PDSS2: variants seen among roughly 807,000 people sequenced by gnomAD.
PDSS2 encodes the protein all trans-polyprenyl-diphosphate synthase PDSS2.
PDSS2 carries 31 observed loss-of-function variants against 44.5 expected under a neutral mutation model. That is an observed-to-expected ratio of 0.70 (90% CI 0.52 to 0.94). The LOEUF (loss-of-function observed/expected upper bound fraction) is 0.94. Ranked by LOEUF, PDSS2 falls within the 40% of genes least tolerant of loss-of-function variation. The pLI, the probability that PDSS2 is intolerant of heterozygous loss-of-function variation, is 0.00. For synonymous variants in PDSS2, 157 were observed against 180.3 expected, an observed-to-expected ratio of 0.87 and a Z score of 1.03; for missense variants, 452 against 482.2, an observed-to-expected ratio of 0.94 and a Z score of 0.59.
At chr6:107,437,916 T>G (rs1781404652) in intron 1 of PDSS2, among the ~76,000 whole-genome samples, 1 of 152,180 alleles carries the variant, frequency 6.6e-6, no homozygotes. Flanking sequence ...TCATTACTAA[T>G]CACTTTACTG....
At chr6:107,255,504 C>T (rs1472797840) in intron 3 of PDSS2, among the ~76,000 whole-genome samples, 1 of 151,738 alleles carries the variant, frequency 6.6e-6, no homozygotes, top group Non-Finnish European at 1.5e-5. Context: ...ATGGCTTGAA[C>T]CCGGGAATCG....
At chr6:107,211,539 G>A (rs955772489) in intron 5 of PDSS2, among the ~76,000 whole-genome samples, 1 of 151,698 alleles carries the variant, frequency 6.6e-6, no homozygotes, top group African/African-American at 2.4e-5. Context: ...AGACCATCCT[G>A]ACCAACATGG....
chr6:107,182,405 AC>A (rs1221321691), intron 7 of PDSS2, among the ~76,000 whole-genome samples: 1 of 151,944 alleles, frequency 6.6e-6, no homozygotes, highest in Non-Finnish European at 1.5e-5. Flanking sequence ...GCTCACTGCA[AC>A]CTCTGCCTCC....
intron 1 of PDSS2, among the ~76,000 whole-genome samples, chr6:107,434,667 A>C (rs1781293976): frequency 6.6e-6 from 1 of 152,184 alleles, no homozygotes; most frequent in Non-Finnish European, 1.5e-5. Context: ...AAATGAATAA[A>C]ATCTAGTATT....
chr6:107,397,683 A>G (rs1231510790), intron 1 of PDSS2, among the ~76,000 whole-genome samples: 1 of 152,332 alleles, frequency 6.6e-6, no homozygotes, highest in Non-Finnish European at 1.5e-5. Flanking sequence ...TGAATGTTTA[A>G]TAGGTGTTTC....
intron 1 of PDSS2, among the ~76,000 whole-genome samples, chr6:107,431,670 T>C (rs962160756): frequency 1.3e-5 from 2 of 152,210 alleles, no homozygotes; most frequent in African/African-American, 4.8e-5. Flanking sequence ...AAACTATTTT[T>C]CAAGAAAACT....
chr6:107,361,927 T>C (rs1413794222), intron 1 of PDSS2, among the ~76,000 whole-genome samples: 2 of 152,120 alleles, frequency 1.3e-5, no homozygotes, highest in Non-Finnish European at 2.9e-5. Context: ...CAGTGCAGGG[T>C]AGGCTGTGAA....
intron 2 of PDSS2, among the ~76,000 whole-genome samples, chr6:107,305,491 T>C (rs1776829743): frequency 6.6e-6 from 1 of 152,208 alleles, no homozygotes; most frequent in African/African-American, 2.4e-5. Context: ...TCATTTTCTA[T>C]CACATGTAGA....
intron 1 of PDSS2, among the ~76,000 whole-genome samples, chr6:107,351,213 A>G (rs1778426110): frequency 6.6e-6 from 1 of 152,238 alleles, no homozygotes; most frequent in South Asian, 2.1e-4. Flanking sequence ...AAAGGTAATG[A>G]ATTTCAGATA....
chr6:107,401,047 G>A (rs1262563650), intron 1 of PDSS2, among the ~76,000 whole-genome samples: 1 of 152,170 alleles, frequency 6.6e-6, no homozygotes, highest in Non-Finnish European at 1.5e-5. Context: ...GGTTAACAAA[G>A]GTCAAGTATA....
At chr6:107,197,848 T>C (rs1772622387) in intron 6 of PDSS2, 1 of 471,054 alleles carries the variant, frequency 2.1e-6, no homozygotes, top group African/African-American at 2.0e-5. Flanking sequence ...TTAAGAGTGT[T>C]GAAAGTAGCA....
intron 1 of PDSS2, among the ~76,000 whole-genome samples, chr6:107,418,308 G>C (rs558537887): frequency 2.6e-5 from 4 of 152,294 alleles, no homozygotes; most frequent in African/African-American, 9.6e-5. Flanking sequence ...AGAGTGATGA[G>C]GTACAAGTCA....
intron 1 of PDSS2, among the ~76,000 whole-genome samples, chr6:107,334,678 C>T (rs1354895576): frequency 6.9e-6 from 1 of 144,954 alleles, no homozygotes; most frequent in Non-Finnish European, 1.5e-5. Flanking sequence ...GTAGCTGGAA[C>T]TTTAGGTATG....
intron 3 of PDSS2, among the ~76,000 whole-genome samples, chr6:107,252,716 C>T (rs1352996184): frequency 6.6e-6 from 1 of 152,100 alleles, no homozygotes; most frequent in African/African-American, 2.4e-5. Flanking sequence ...ATCACTTGAG[C>T]CCAGGAGTTC....
At chr6:107,350,981 G>A (rs150305857) in intron 1 of PDSS2, among the ~76,000 whole-genome samples, 207 of 151,958 alleles carry the variant, frequency 1.4e-3, no homozygotes, top group African/African-American at 4.8e-3. Context: ...AAATAAATAA[G>A]GTCTTGGATT....
chr6:107,164,387 A>T (rs1771261362), intron 7 of PDSS2, among the ~76,000 whole-genome samples: 1 of 152,022 alleles, frequency 6.6e-6, no homozygotes, highest in African/African-American at 2.4e-5. Flanking sequence ...TCATTGTTCA[A>T]TTACCACCTA....
At chr6:107,392,027 T>C (rs1240482857) in intron 1 of PDSS2, among the ~76,000 whole-genome samples, 1 of 152,136 alleles carries the variant, frequency 6.6e-6, no homozygotes, top group East Asian at 1.9e-4. Context: ...ATTTTACTAA[T>C]GGGAAACATT....
chr6:107,292,924 A>G (rs1341417931), intron 2 of PDSS2, among the ~76,000 whole-genome samples: 2 of 152,212 alleles, frequency 1.3e-5, no homozygotes, highest in East Asian at 3.8e-4. Context: ...AAAAGGGGTT[A>G]AAAATACTTG....
At chr6:107,361,190 A>G (rs1274259339) in intron 1 of PDSS2, among the ~76,000 whole-genome samples, 1 of 152,228 alleles carries the variant, frequency 6.6e-6, no homozygotes, top group Non-Finnish European at 1.5e-5. Context: ...CAATTTGATA[A>G]AAGATATTAA....
Sources: gnomAD v4.1 joint callset for allele counts (sites outside exome capture counted in the v4.1 genomes callset) on GRCh38, gnomAD v4.1.1 for gene constraint, MANE v1.5 for transcripts, NCBI Gene and HGNC (gene_info 2026-07-23, HGNC 2026-07-21) for gene names.